ODR4: variants seen among roughly 807,000 people sequenced by gnomAD.
The protein encoded by ODR4 is odr-4 GPCR localization factor homolog.
Under a neutral mutation model 60.2 loss-of-function variants are expected in ODR4, and 47 were observed. That is an observed-to-expected ratio of 0.78 (90% CI 0.62 to 1.00). The LOEUF is 1.00. Among genes scored for constraint, ODR4 ranks in the 50% least tolerant of loss-of-function variants. The pLI, the probability that ODR4 is intolerant of heterozygous loss-of-function variation, is 0.00. For synonymous variants in ODR4, 178 were observed against 175.5 expected (o/e 1.01, Z -0.11); for missense variants, 488 against 530.8 (o/e 0.92, Z 0.79).
intron 1 of ODR4, among the ~76,000 whole-genome samples, chr1:186,376,845 A>G (rs909532148): frequency 6.6e-6 from 1 of 152,250 alleles, no homozygotes; most frequent in Admixed American, 6.5e-5. Context: ...ATAGGTTTTC[A>G]GATCTGCTAG....
intron 3 of ODR4, 122 bp downstream of exon 3, chr1:186,383,278 AT>A: frequency 9.0e-7 from 1 of 1,112,540 alleles, no homozygotes; most frequent in East Asian, 2.6e-5. Flanking sequence ...GATGACTGAG[AT>A]TTTTAGTCTG....
chr1:186,395,923 G>T (rs2102048137), intron 9 of ODR4, among the ~76,000 whole-genome samples: 1 of 152,200 alleles, frequency 6.6e-6, no homozygotes, highest in African/African-American at 2.4e-5. Flanking sequence ...CCAACTCAGG[G>T]TTCTTCATAG....
intron 2 of ODR4, among the ~76,000 whole-genome samples, chr1:186,382,703 G>A (rs1660087058): frequency 1.3e-5 from 2 of 152,096 alleles, no homozygotes; most frequent in African/African-American, 4.8e-5. Flanking sequence ...TTACTTTTTA[G>A]TTAATGTAAT....
chr1:186,430,177 ATAAC>A, the ODR4 span, among the ~76,000 whole-genome samples: 3 of 152,226 alleles, frequency 2.0e-5, no homozygotes, highest in African/African-American at 4.8e-5. Flanking sequence ...ATTTGGGTAA[ATAAC>A]TATTATCTTT....
In ODR4 at chr1:186,399,043, A is replaced by T; in HGVS notation, c.999A>T (p.Lys333Asn). The T allele has an allele frequency of 6.2e-7, 1 of 1,600,320 alleles. No homozygotes were observed. Among genetic ancestry groups the T allele is most frequent in the Non-Finnish European group, 8.5e-7 (1 of 1,170,038 alleles). ...TTTTGAATGAAATTCCAGAAAAAAA[A>T]GTTATGAGTATAAAATAAGTACTTT... ...DLLLNEIPEK[K>N]DSEKEFHVLP... is the part of the protein sequence containing the mutation. Residue 333 changes from lysine (K) to asparagine (N), a missense_variant and splice_region_variant, in exon 11 of 14, where the codon AAA (lysine) becomes AAT (asparagine). Lys to Asn is a moderately conservative substitution (Grantham distance 94). Coordinates refer to ENST00000287859, the MANE Select transcript of ODR4 (RefSeq NM_017847.6).
At chr1:186,389,994 T>C (rs1660401711) in intron 6 of ODR4, among the ~76,000 whole-genome samples, 2 of 152,144 alleles carry the variant, frequency 1.3e-5, no homozygotes, top group Non-Finnish European at 2.9e-5. Context: ...TTGATAGAGA[T>C]AGGGTTTCAC....
chr1:186,428,601 G>T, the ODR4 span, among the ~76,000 whole-genome samples: 10 of 152,290 alleles, frequency 6.6e-5, no homozygotes, highest in Non-Finnish European at 1.3e-4. Context: ...TCACAACTTG[G>T]CTGTTTGTTG....
intron 12 of ODR4, among the ~76,000 whole-genome samples, chr1:186,409,192 CAAAAA>C (rs58735021): frequency 9.0e-6 from 1 of 111,102 alleles, no homozygotes. Context: ...GACCCTGTCT[CAAAAA>C]AAAAAAAAAA....
At position 186,406,076 on chromosome 1, in the gene ODR4, C is replaced by T. The variant is rs978936879; in HGVS notation, c.1001-7C>T. The T allele has an allele frequency of 1.2e-5, 19 of 1,540,454 alleles. No homozygotes were observed. The African/African-American group carries it at 2.5e-4, about 20-fold the overall frequency. On this transcript the variant is annotated splice_region_variant and splice_polypyrimidine_tract_variant and intron_variant, in intron 11 of 13. Transcript: ENST00000287859. ...CTAAATATTGATAATATTTCTTTTC[C>T]TTTTAGATTCTGAAAAAGAGTTCCA...
chr1:186,377,704 C>T (rs1659840412), intron 1 of ODR4, among the ~76,000 whole-genome samples: 1 of 152,098 alleles, frequency 6.6e-6, no homozygotes, highest in Admixed American at 6.5e-5. Context: ...TAGACTTAGT[C>T]TCTAAAAAAT....
At chr1:186,399,230 A>C (rs1660822084) in intron 11 of ODR4, 186 bp downstream of exon 11, 1 of 582,630 alleles carries the variant, frequency 1.7e-6, no homozygotes, top group Admixed American at 2.2e-5. Flanking sequence ...TTTTAGACAG[A>C]GTCTCACTGT....
chr1:186,398,063 A>G (rs1343342219), intron 9 of ODR4, among the ~76,000 whole-genome samples: 1 of 152,150 alleles, frequency 6.6e-6, no homozygotes, highest in Non-Finnish European at 1.5e-5. Flanking sequence ...ACCATTTTAG[A>G]TGGTTATGTT....
At chr1:186,427,813 A>G in the ODR4 span, among the ~76,000 whole-genome samples, 1 of 152,238 alleles carries the variant, frequency 6.6e-6, no homozygotes, top group African/African-American at 2.4e-5. Flanking sequence ...TGAAGAATAG[A>G]TGTTGTATTT....
intron 11 of ODR4, 38 bp downstream of exon 11, chr1:186,399,082 A>T (rs1309048959): frequency 5.6e-6 from 7 of 1,254,106 alleles, no homozygotes; most frequent in Non-Finnish European, 5.8e-6. Context: ...GCGTATCTTC[A>T]ACTGATATAG....
chr1:186,417,518 A>G (rs902024507), intron 12 of ODR4, 26 bp from the exon 13 acceptor site: 40 of 1,265,234 alleles, frequency 3.2e-5, no homozygotes, highest in Non-Finnish European at 4.2e-5. Flanking sequence ...TTTTATGTGG[A>G]ATTTATTATT....
At chr1:186,404,144 T>G (rs1195866921) in intron 11 of ODR4, among the ~76,000 whole-genome samples, 1 of 152,222 alleles carries the variant, frequency 6.6e-6, no homozygotes, top group African/African-American at 2.4e-5. Context: ...TTTAAAATTT[T>G]TTTATTTGTT....
intron 9 of ODR4, among the ~76,000 whole-genome samples, chr1:186,395,984 A>G (rs1255069235): frequency 2.0e-5 from 3 of 152,128 alleles, no homozygotes; most frequent in Non-Finnish European, 4.4e-5. Flanking sequence ...TTCTAGATGT[A>G]TGCTTGCCAT....
At chr1:186,414,949 A>G (rs1213585078) in intron 12 of ODR4, among the ~76,000 whole-genome samples, 6 of 152,174 alleles carry the variant, frequency 3.9e-5, no homozygotes, top group African/African-American at 7.2e-5. Flanking sequence ...AGAAATTTTA[A>G]ATTACTGAGC....
chr1:186,381,933 A>G (rs1000955231), intron 2 of ODR4, among the ~76,000 whole-genome samples: 1 of 152,232 alleles, frequency 6.6e-6, no homozygotes, highest in African/African-American at 2.4e-5. Context: ...CCAAGATGAT[A>G]CTAATGATCA....
Sources: gnomAD v4.1 joint callset for allele counts (sites outside exome capture counted in the v4.1 genomes callset) on GRCh38, gnomAD v4.1.1 for gene constraint, MANE v1.5 for transcripts, NCBI Gene and HGNC (gene_info 2026-07-23, HGNC 2026-07-21) for gene names.